LYPD6B: variants seen among roughly 807,000 people sequenced by gnomAD.
The protein encoded by LYPD6B is LY6/PLAUR domain containing 6B.
Under a neutral mutation model 22.8 loss-of-function variants are expected in LYPD6B, and 17 were observed. That is an observed-to-expected ratio of 0.75 (90% CI 0.51 to 1.12). The LOEUF is 1.12. Among genes scored for constraint, LYPD6B ranks in the 50% most tolerant of loss-of-function variants. The pLI, the probability that LYPD6B is intolerant of heterozygous loss-of-function variation, is 0.00. For synonymous variants in LYPD6B, 106 were observed against 91.6 expected, an observed-to-expected ratio of 1.16 and a Z score of -0.90; for missense variants, 221 against 258.3, an observed-to-expected ratio of 0.86 and a Z score of 0.99.
At chr2:149,171,617 A>G (rs909300102) in intron 3 of LYPD6B, among the ~76,000 whole-genome samples, 5 of 151,956 alleles carry the variant, frequency 3.3e-5, no homozygotes, top group Non-Finnish European at 4.4e-5. Context: ...AAAGGAGTAT[A>G]TGGAAAGGGG....
At chr2:149,059,996 C>T (rs1261718133) in intron 1 of LYPD6B, among the ~76,000 whole-genome samples, 1 of 151,774 alleles carries the variant, frequency 6.6e-6, no homozygotes, top group Non-Finnish European at 1.5e-5. Context: ...ATGGTCGGAG[C>T]AGGCCTTGAG....
intron 1 of LYPD6B, among the ~76,000 whole-genome samples, chr2:149,109,511 T>C (rs138900800): frequency 1.1e-4 from 17 of 152,274 alleles, no homozygotes; most frequent in African/African-American, 3.6e-4. Flanking sequence ...TTCATGTTTC[T>C]TGTGCACAAG....
intron 1 of LYPD6B, among the ~76,000 whole-genome samples, chr2:149,110,333 A>G (rs540911480): frequency 3.3e-5 from 5 of 152,104 alleles, no homozygotes; most frequent in South Asian, 4.2e-4. Context: ...TCTTTTCATT[A>G]TGGTTGCATT....
intron 2 of LYPD6B, among the ~76,000 whole-genome samples, chr2:149,140,052 A>G (rs1192324734): frequency 6.6e-6 from 1 of 152,080 alleles, no homozygotes; most frequent in African/African-American, 2.4e-5. Context: ...CTGGAACTGA[A>G]TTCCAGAAGT....
chr2:149,171,601 G>A (rs1226057699), intron 3 of LYPD6B, among the ~76,000 whole-genome samples: 4 of 151,848 alleles, frequency 2.6e-5, no homozygotes, highest in African/African-American at 9.7e-5. Context: ...GGGATAGGTG[G>A]AGAGGAAAGG....
intron 2 of LYPD6B, among the ~76,000 whole-genome samples, chr2:149,146,505 T>C (rs1689034667): frequency 6.6e-6 from 1 of 152,164 alleles, no homozygotes; most frequent in Non-Finnish European, 1.5e-5. Context: ...GCAGCAGGGC[T>C]GGGCCACGCC....
intron 1 of LYPD6B, among the ~76,000 whole-genome samples, chr2:149,085,964 A>G (rs1403652244): frequency 1.3e-5 from 2 of 152,308 alleles, no homozygotes; most frequent in South Asian, 2.1e-4. Flanking sequence ...TAGGCTATCA[A>G]TGCCTCAATT....
chr2:149,162,895 A>G (rs998465682), intron 3 of LYPD6B, among the ~76,000 whole-genome samples: 3 of 152,152 alleles, frequency 2.0e-5, no homozygotes, highest in South Asian at 2.1e-4. Flanking sequence ...ACAAGAAGTT[A>G]TATCCTTGAC....
intron 1 of LYPD6B, among the ~76,000 whole-genome samples, chr2:149,077,298 A>C (rs1190296109): frequency 6.6e-6 from 1 of 152,204 alleles, no homozygotes; most frequent in Non-Finnish European, 1.5e-5. Flanking sequence ...AGAGCAGTGA[A>C]ACTTACTCGC....
chr2:149,098,780 T>TA (rs1553482564), intron 1 of LYPD6B, among the ~76,000 whole-genome samples: 9 of 150,992 alleles, frequency 6.0e-5, no homozygotes, highest in Non-Finnish European at 1.0e-4. Flanking sequence ...TTTTTTTTTT[T>TA]ATCACACTGC....
intron 3 of LYPD6B, chr2:149,188,698 G>T (rs1275327539): frequency 1.0e-6 from 1 of 982,572 alleles, no homozygotes; most frequent in Non-Finnish European, 1.2e-6. Flanking sequence ...GATATATTCC[G>T]TAACGTCTCA....
chr2:149,083,387 C>T (rs919018684), intron 1 of LYPD6B, among the ~76,000 whole-genome samples: 11 of 152,196 alleles, frequency 7.2e-5, no homozygotes, highest in African/African-American at 2.2e-4. Flanking sequence ...AGCACATTTT[C>T]GAATTTCCCT....
At chr2:149,086,745 C>T (rs995269469) in intron 1 of LYPD6B, among the ~76,000 whole-genome samples, 13 of 152,122 alleles carry the variant, frequency 8.5e-5, no homozygotes, top group African/African-American at 3.1e-4. Flanking sequence ...GGCTGGGAGT[C>T]CAAGATTAAG....
intron 1 of LYPD6B, among the ~76,000 whole-genome samples, chr2:149,099,845 C>T (rs747835450): frequency 1.3e-5 from 2 of 152,176 alleles, no homozygotes; most frequent in Non-Finnish European, 2.9e-5. Context: ...TTAGACCATT[C>T]GTAAGCTTGT....
chr2:149,140,674 C>G (rs757950183), intron 2 of LYPD6B, among the ~76,000 whole-genome samples: 32 of 152,156 alleles, frequency 2.1e-4, no homozygotes, highest in Non-Finnish European at 2.8e-4. Context: ...GTTGTATTCC[C>G]CACACTGGCT....
intron 1 of LYPD6B, among the ~76,000 whole-genome samples, chr2:149,115,983 G>A (rs1367511851): frequency 6.6e-6 from 1 of 152,202 alleles, no homozygotes; most frequent in Non-Finnish European, 1.5e-5. Context: ...TTGGTTATCA[G>A]ATCTACTGAG....
intron 2 of LYPD6B, 33 bp from the exon 3 acceptor site, chr2:149,160,731 G>A (rs1378905157): frequency 1.4e-6 from 2 of 1,468,802 alleles, no homozygotes; most frequent in Admixed American, 2.0e-5. Context: ...CGTCAGCAGT[G>A]GCTCTTTCCT....
intron 1 of LYPD6B, among the ~76,000 whole-genome samples, chr2:149,044,018 C>G (rs1193780052): frequency 6.6e-6 from 1 of 152,022 alleles, no homozygotes; most frequent in Non-Finnish European, 1.5e-5. Context: ...ACTACAGTAT[C>G]TTGATTATTG....
intron 1 of LYPD6B, among the ~76,000 whole-genome samples, chr2:149,088,522 G>A (rs1266409158): frequency 6.6e-6 from 1 of 152,138 alleles, no homozygotes. Context: ...GGAAAGTGCT[G>A]CTCTCCAGGA....
Sources: allele counts gnomAD v4.1 joint callset (sites outside exome capture counted in the v4.1 genomes callset), GRCh38; gene constraint gnomAD v4.1.1; transcripts MANE v1.5; gene names NCBI Gene and HGNC (gene_info 2026-07-23, HGNC 2026-07-21).